Variants in ADGRB3 observed in about 807,000 individuals in gnomAD.
ADGRB3 encodes brain-specific angiogenesis inhibitor 3.
A neutral mutation model predicts 193.4 loss-of-function variants in ADGRB3; 37 were observed. The ratio of observed to expected loss-of-function variants is 0.19; its 90% confidence interval spans 0.15 to 0.25. The LOEUF (loss-of-function observed/expected upper bound fraction) is 0.25. Ranked by LOEUF, ADGRB3 falls within the 10% of genes least tolerant of loss-of-function variation. The pLI, the probability that ADGRB3 is intolerant of heterozygous loss-of-function variation, is 1.00. For synonymous variants in ADGRB3, 690 were observed against 644.2 expected (o/e 1.07, Z -1.08); for missense variants, 1,637 against 1,852.9 (o/e 0.88, Z 2.14).
intron 3 of ADGRB3, among the ~76,000 whole-genome samples, chr6:68,733,554 C>A (rs1765815140): frequency 6.6e-6 from 1 of 151,650 alleles, no homozygotes; most frequent in Non-Finnish European, 1.5e-5. Flanking sequence ...TGGGGAAATG[C>A]GTTCACTAGA....
intron 3 of ADGRB3, among the ~76,000 whole-genome samples, chr6:68,677,521 C>CTTTTTTTTTTTTTTTTTTTTTTTGTTTTT (rs1002070733): frequency 8.3e-6 from 1 of 120,336 alleles, no homozygotes; most frequent in Non-Finnish European, 1.7e-5. Context: ...TTCTTTTTTT[C>CTTTTTTTTTTTTTTTTTTTTTTTGTTTTT]TTTTTTTTTT....
chr6:69,066,140 C>A (rs1771897878), intron 16 of ADGRB3, among the ~76,000 whole-genome samples: 1 of 151,226 alleles, frequency 6.6e-6, no homozygotes, highest in African/African-American at 2.4e-5. Context: ...CACACCCATC[C>A]CCCCACCTCC....
At chr6:68,718,220 G>A (rs60761802) in intron 3 of ADGRB3, among the ~76,000 whole-genome samples, 4,887 of 151,692 alleles carry the variant, frequency 0.032, 139 homozygotes, top group African/African-American at 0.073. Context: ...ACAAATGTTC[G>A]TGTGTTCAGA....
intron 3 of ADGRB3, among the ~76,000 whole-genome samples, chr6:68,755,115 G>A (rs1331355140): frequency 6.6e-6 from 1 of 152,166 alleles, no homozygotes; most frequent in East Asian, 1.9e-4. Flanking sequence ...CAGTTCAAAG[G>A]CATTAATGAA....
chr6:68,901,986 G>C (rs1032664001), intron 3 of ADGRB3, among the ~76,000 whole-genome samples: 1 of 152,088 alleles, frequency 6.6e-6, no homozygotes, highest in African/African-American at 2.4e-5. Flanking sequence ...AAGCCGTCTT[G>C]TTCTCAATAA....
intron 6 of ADGRB3, among the ~76,000 whole-genome samples, chr6:68,949,001 TATTA>T (rs2150253477): frequency 6.6e-6 from 1 of 152,248 alleles, no homozygotes; most frequent in South Asian, 2.1e-4. Context: ...ATGGAGTCAG[TATTA>T]ATTACCCCTC....
In ADGRB3 at chr6:68,639,238, C is replaced by T. The variant is rs1768023906; in HGVS notation, c.563C>T (p.Ser188Leu). Residue 188 changes from serine (S) to leucine (L), a missense_variant, in exon 3 of 32, where the codon TCA becomes TTA. Ser to Leu is a moderately radical substitution (Grantham distance 145). Transcript: ENST00000370598. ...CLKSENGRTE[S>L]CGIMYTKCTC... Reference sequence around the variant, plus strand: ...AAATCAGAAAATGGGAGAACAGAATCATGTGGGATCATGTATACAAAATGC... The same window carrying T: ...AAATCAGAAAATGGGAGAACAGAATTATGTGGGATCATGTATACAAAATGC... 1.9e-6 allele frequency: 3 copies of T among 1,614,088 alleles called. No homozygotes were observed. Among genetic ancestry groups the T allele is most frequent in the Admixed American group, 1.7e-5 (1 of 60,010 alleles).
At chr6:69,063,469 A>T (rs1224364523) in intron 16 of ADGRB3, among the ~76,000 whole-genome samples, 1 of 152,006 alleles carries the variant, frequency 6.6e-6, no homozygotes, top group Non-Finnish European at 1.5e-5. Context: ...ATATACTTAA[A>T]ATTGGTGAGT....
intron 20 of ADGRB3, among the ~76,000 whole-genome samples, chr6:69,243,096 C>T (rs1766418170): frequency 1.3e-5 from 2 of 151,798 alleles, no homozygotes; most frequent in Admixed American, 1.3e-4. Context: ...CTCTTTTTAA[C>T]TGATAGAAGA....
chr6:69,183,545 G>A (rs1314080340), intron 17 of ADGRB3, among the ~76,000 whole-genome samples: 1 of 152,014 alleles, frequency 6.6e-6, no homozygotes, highest in East Asian at 1.9e-4. Flanking sequence ...TGGTACAGAG[G>A]TCCTTACCAA....
intron 26 of ADGRB3, among the ~76,000 whole-genome samples, chr6:69,354,020 ACCATTGCACT>A (rs1183177798): frequency 6.6e-6 from 1 of 152,196 alleles, no homozygotes; most frequent in Non-Finnish European, 1.5e-5. Context: ...GCAGGATCGC[ACCATTGCACT>A]CCAGCCTGGG....
At chr6:68,698,087 A>T (rs971935919) in intron 3 of ADGRB3, among the ~76,000 whole-genome samples, 8 of 151,808 alleles carry the variant, frequency 5.3e-5, no homozygotes, top group African/African-American at 1.7e-4. Flanking sequence ...ATAGATACAG[A>T]TTCATAAACA....
At chr6:68,924,896 A>T (rs1767138752) in intron 3 of ADGRB3, among the ~76,000 whole-genome samples, 1 of 151,902 alleles carries the variant, frequency 6.6e-6, no homozygotes, top group East Asian at 1.9e-4. Flanking sequence ...ATCTTATTTT[A>T]TGTAAATATA....
intron 3 of ADGRB3, among the ~76,000 whole-genome samples, chr6:68,694,922 C>G (rs770074770): frequency 3.6e-4 from 55 of 152,082 alleles, no homozygotes; most frequent in Middle Eastern, 6.8e-3. Context: ...TTTTAGAAAT[C>G]AAAGTCAGCA....
chr6:69,075,992 TAGGG>T lies in ADGRB3; in HGVS notation c.2437-2_2438del. ...ATGCATTCTTTCTCTGCTTTTTTTTTAGGGTACTTTGAATCCCTATTGTGTATTG... is the reference window on the plus strand; with the variant it reads ...ATGCATTCTTTCTCTGCTTTTTTTTTTACTTTGAATCCCTATTGTGTATTG... On this transcript the variant is annotated splice_acceptor_variant and coding_sequence_variant, in exon 17 of 32. Coordinates refer to ENST00000370598, the MANE Select transcript of ADGRB3 (RefSeq NM_001704.3). LOFTEE classifies it high-confidence loss of function. The T allele has an allele frequency of 6.2e-7, 1 of 1,610,696 alleles. No homozygotes were observed.
At chr6:68,668,082 C>T (rs1768845722) in intron 3 of ADGRB3, among the ~76,000 whole-genome samples, 1 of 151,774 alleles carries the variant, frequency 6.6e-6, no homozygotes, top group Non-Finnish European at 1.5e-5. Context: ...ATGATAATCC[C>T]CTTTCCTGCA....
chr6:69,075,364 C>T (rs908760969), intron 16 of ADGRB3, among the ~76,000 whole-genome samples: 3 of 152,180 alleles, frequency 2.0e-5, no homozygotes, highest in Non-Finnish European at 2.9e-5. Flanking sequence ...TGTGAAAAAT[C>T]CATGGTGTTA....
Position 68,980,083 on chromosome 6 carries a change from G to T in ADGRB3, c.1734+4743G>T, listed in dbSNP as rs185924599. On this transcript the variant is annotated intron_variant, in intron 10 of 31. Transcript: ENST00000370598. ...GTGATGAAGATGGAGAAAGGCTAAA[G>T]ATACTACTCTAATGGAAGCTCTTCC... Among the ~76,000 whole-genome samples the T allele has an allele frequency of 3.4e-3, 521 of 151,624 alleles. 12 individuals are homozygous for T. Among genetic ancestry groups the T allele is most frequent in the South Asian group, 0.019 (92 of 4,816 alleles).
At chr6:69,234,245 C>A (rs998988633) in intron 18 of ADGRB3, among the ~76,000 whole-genome samples, 15 of 152,044 alleles carry the variant, frequency 9.9e-5, no homozygotes, top group African/African-American at 2.7e-4. Flanking sequence ...ATGTGAAAAC[C>A]AACAAATTTA....
Sources: allele counts gnomAD v4.1 joint callset (sites outside exome capture counted in the v4.1 genomes callset), GRCh38; gene constraint gnomAD v4.1.1; transcripts MANE v1.5; gene names NCBI Gene and HGNC (gene_info 2026-07-23, HGNC 2026-07-21).